The following CR1L variants were observed in gnomAD, a reference collection of about 807,000 sequenced individuals.
The protein encoded by CR1L is complement C3b/C4b receptor 1 like, also known as complement component receptor 1-like protein.
CR1L carries 59 observed loss-of-function variants against 62.3 expected under a neutral mutation model. The observed-to-expected ratio is 0.95, with a 90% CI of 0.77 to 1.18. CR1L has a LOEUF of 1.18. CR1L is among the 50% of genes most tolerant of loss of function. The pLI, the probability that CR1L is intolerant of heterozygous loss-of-function variation, is 0.00. For synonymous variants in CR1L, 279 were observed against 248.7 expected (o/e 1.12, Z -1.15); for missense variants, 700 against 702.8 (o/e 1.00, Z 0.04).
chr1:207,716,701 AAC>A (rs1383960939), intron 10 of CR1L, among the ~76,000 whole-genome samples: 1 of 152,186 alleles, frequency 6.6e-6, no homozygotes, highest in African/African-American at 2.4e-5. Context: ...ACTTAGGAAA[AAC>A]ACAAGTAAAA....
chr1:207,649,648 G>C (rs537831361), intron 1 of CR1L, among the ~76,000 whole-genome samples: 1 of 152,162 alleles, frequency 6.6e-6, no homozygotes, highest in South Asian at 2.1e-4. Context: ...TGGGAACCTA[G>C]TTGACTGGCC....
At chr1:207,676,043 G>A (rs1487583332) in intron 1 of CR1L, among the ~76,000 whole-genome samples, 1 of 152,076 alleles carries the variant, frequency 6.6e-6, no homozygotes, top group African/African-American at 2.4e-5. Context: ...GTGTGAAGGT[G>A]GATGGTAAAA....
At chr1:207,693,416 C>A (rs1255297976) in intron 4 of CR1L, among the ~76,000 whole-genome samples, 3 of 152,208 alleles carry the variant, frequency 2.0e-5, no homozygotes, top group African/African-American at 7.2e-5. Context: ...CCACGCCAGG[C>A]CTGTATAGCT....
chr1:207,660,742 G>A (rs1460082206), intron 1 of CR1L, among the ~76,000 whole-genome samples: 3 of 152,148 alleles, frequency 2.0e-5, no homozygotes, highest in Admixed American at 6.5e-5. Context: ...ATGTTAGGGT[G>A]TCAATTTTAG....
chr1:207,677,010 T>C (rs935611820), intron 1 of CR1L, among the ~76,000 whole-genome samples: 1 of 151,950 alleles, frequency 6.6e-6, no homozygotes, highest in South Asian at 2.1e-4. Context: ...CTATGCAGTA[T>C]ATTTGAGAGA....
At chr1:207,720,788 TAA>T (rs1031586585) in intron 11 of CR1L, among the ~76,000 whole-genome samples, 18 of 152,338 alleles carry the variant, frequency 1.2e-4, no homozygotes, top group African/African-American at 3.8e-4. Context: ...TTGAATATCT[TAA>T]GAGAGGCTTA....
At chr1:207,723,255 C>A (rs1172218468) in intron 11 of CR1L, among the ~76,000 whole-genome samples, 1 of 151,886 alleles carries the variant, frequency 6.6e-6, no homozygotes, top group Non-Finnish European at 1.5e-5. Context: ...CATGGTGAAA[C>A]CCCGTCTCTA....
At chr1:207,686,704 G>A (rs995328779) in intron 4 of CR1L, among the ~76,000 whole-genome samples, 1 of 151,996 alleles carries the variant, frequency 6.6e-6, no homozygotes, top group African/African-American at 2.4e-5. Context: ...CAATTCAGTG[G>A]TATTTAGTAT....
intron 3 of CR1L, among the ~76,000 whole-genome samples, chr1:207,683,117 ACTCT>A (rs137922510): frequency 3.3e-5 from 3 of 92,102 alleles, no homozygotes; most frequent in Non-Finnish European, 6.5e-5. Context: ...TCTCCCTCTG[ACTCT>A]CTCTCTCTCT....
At chr1:207,645,437 G>A in intron 1 of CR1L, 107 bp downstream of exon 1, 6 of 1,292,250 alleles carry the variant, frequency 4.6e-6, no homozygotes, top group Non-Finnish European at 6.7e-6. Context: ...TGCCTGCTTG[G>A]GATAGAGAGC....
Position 207,653,705 on chromosome 1 carries a change from G to A in CR1L, c.97+8375G>A, listed in dbSNP as rs146065777. Among the ~76,000 whole-genome samples the A allele has an allele frequency of 3.0e-3, 451 of 152,296 alleles. 3 individuals carry two copies. The highest frequency in any genetic ancestry group is 0.014 in the Middle Eastern group (4 of 294). On this transcript the variant is annotated intron_variant, in intron 1 of 11. Transcript: ENST00000508064. ...AGCACTCGGTAATAGCCTTTGTTCT[G>A]CAGGACTTTTAAAGTCATAGATATT...
intron 11 of CR1L, among the ~76,000 whole-genome samples, chr1:207,719,440 C>T (rs116110265): frequency 0.016 from 2,377 of 152,068 alleles, 58 homozygotes; most frequent in African/African-American, 0.046. Flanking sequence ...GTTAGATAGG[C>T]TGGACATGGT....
chr1:207,657,498 T>A (rs1663335525), intron 1 of CR1L: 1 of 429,566 alleles, frequency 2.3e-6, no homozygotes, highest in Non-Finnish European at 4.2e-6. Flanking sequence ...GTTCTCTATT[T>A]TTCACCCCCA....
chr1:207,655,911 G>A (rs533143025), intron 1 of CR1L, among the ~76,000 whole-genome samples: 3 of 152,252 alleles, frequency 2.0e-5, no homozygotes, highest in Admixed American at 1.3e-4. Context: ...GGGCTGTTGT[G>A]TAATCACACA....
Position 207,699,172 on chromosome 1 carries a change from C to T in CR1L, c.1143-17C>T. On this transcript the variant is annotated splice_polypyrimidine_tract_variant and intron_variant, in intron 7 of 11. Coordinates refer to ENST00000508064, the MANE Select transcript of CR1L (RefSeq NM_175710.2). Reference sequence around the variant, plus strand: ...TGGCTGAAACAGCTCGCTATTCACTCCTATTTTCTTCTTTAGATTTCAATT... The same window carrying T: ...TGGCTGAAACAGCTCGCTATTCACTTCTATTTTCTTCTTTAGATTTCAATT... 6.2e-7 allele frequency: 1 copy of T among 1,613,366 alleles called. No individual in the cohort carries two copies. The highest frequency in any genetic ancestry group is 1.1e-5 in the South Asian group (1 of 91,066).
chr1:207,669,416 A>G lies in CR1L; in HGVS notation c.98-7973A>G, dbSNP rs538358969. 382 of 1,209,912 alleles carry G rather than the reference A, an allele frequency of 3.2e-4. 26 individuals are homozygous for G. In the African/African-American group the frequency reaches 5.4e-3, roughly 17 times the overall value. 74.9% of individuals were successfully genotyped at this position (1,209,912 alleles called of 1,614,324 possible). A position where few individuals can be genotyped will look rare whatever the true frequency, so the allele number is the denominator to read the frequency against. ...CTTATTTCAGTTTTCTTCGAGATCA[A>G]ATCTGGTTTGTAGATGTGCTTCGGG... On this transcript the variant is annotated intron_variant, in intron 1 of 11. Coordinates refer to ENST00000508064, the MANE Select transcript of CR1L (RefSeq NM_175710.2).
At chr1:207,684,997 A>G (rs2102462901) in intron 4 of CR1L, among the ~76,000 whole-genome samples, 1 of 152,384 alleles carries the variant, frequency 6.6e-6, no homozygotes, top group African/African-American at 2.4e-5. Flanking sequence ...CACTTTAAGA[A>G]ACAGTTTTGC....
intron 3 of CR1L, among the ~76,000 whole-genome samples, chr1:207,683,050 C>G (rs1356212234): frequency 3.7e-5 from 5 of 133,638 alleles, no homozygotes; most frequent in Admixed American, 2.3e-4. Flanking sequence ...TTCCCTCCTT[C>G]CTTCCTTCTT....
rs1030840927 is a variant in CR1L, at chr1:207,652,603, C to T, written c.97+7273C>T. The T allele has an allele frequency of 7.8e-6, 12 of 1,531,714 alleles. 1 individual carries two copies. Among genetic ancestry groups the T allele is most frequent in the South Asian group, 1.1e-5 (1 of 89,432 alleles). 94.9% of individuals were successfully genotyped at this position (1,531,714 alleles called of 1,614,324 possible). On this transcript the variant is annotated intron_variant, in intron 1 of 11. Transcript: ENST00000508064. Reference sequence around the variant, plus strand: ...TATGGAGCTCATTGGTAAACCAAAACCCTACTATGAGATTGGGGAACAAGT... The same window carrying T: ...TATGGAGCTCATTGGTAAACCAAAATCCTACTATGAGATTGGGGAACAAGT...
Sources: gnomAD v4.1 joint callset for allele counts (sites outside exome capture counted in the v4.1 genomes callset) on GRCh38, gnomAD v4.1.1 for gene constraint, MANE v1.5 for transcripts, NCBI Gene and HGNC (gene_info 2026-07-23, HGNC 2026-07-21) for gene names.